Variants in WWOX observed in about 807,000 individuals in gnomAD.
WWOX encodes WW domain-containing oxidoreductase.
A neutral mutation model predicts 46.2 loss-of-function variants in WWOX; 69 were observed. The ratio of observed to expected loss-of-function variants is 1.49; its 90% CI spans 1.23 to 1.82. WWOX has a LOEUF of 1.82. WWOX is among the 40% of genes most tolerant of loss of function. The probability of loss-of-function intolerance (pLI) is 0.00; values close to 1 mark genes in which losing one functional copy is unlikely to be tolerated. For synonymous variants in WWOX, 359 were observed against 202.6 expected (o/e 1.77, Z -6.56); for missense variants, 919 against 542.6 (o/e 1.69, Z -6.89).
At chr16:78,614,982 T>C (rs1001331446) in intron 8 of WWOX, among the ~76,000 whole-genome samples, 48 of 152,206 alleles carry the variant, frequency 3.2e-4, no homozygotes, top group Admixed American at 1.3e-4. Flanking sequence ...CACGTTTTGC[T>C]CTGGGCTGTG....
At chr16:78,862,065 T>G (rs1008814364) in intron 8 of WWOX, among the ~76,000 whole-genome samples, 1 of 152,074 alleles carries the variant, frequency 6.6e-6, no homozygotes, top group African/African-American at 2.4e-5. Flanking sequence ...GAGAGAGATA[T>G]ATGCATATCT....
At chr16:79,194,485 G>A (rs1030477049) in intron 8 of WWOX, among the ~76,000 whole-genome samples, 1 of 152,174 alleles carries the variant, frequency 6.6e-6, no homozygotes, top group African/African-American at 2.4e-5. Context: ...CAGAGGAAGT[G>A]ACGGCTGAAC....
intron 8 of WWOX, chr16:79,203,739 C>T (rs571646701): frequency 6.6e-6 from 1 of 152,238 alleles, no homozygotes; most frequent in South Asian, 2.1e-4. Flanking sequence ...GTTTGTTTTA[C>T]CTGTAGTATG....
intron 8 of WWOX, among the ~76,000 whole-genome samples, chr16:78,577,131 C>T (rs957886662): frequency 2.0e-5 from 3 of 152,138 alleles, no homozygotes; most frequent in Non-Finnish European, 4.4e-5. Flanking sequence ...TCACCAGTGT[C>T]TCATAGGGTT....
chr16:78,892,494 C>T (rs908898703), intron 8 of WWOX, among the ~76,000 whole-genome samples: 1 of 152,080 alleles, frequency 6.6e-6, no homozygotes, highest in African/African-American at 2.4e-5. Context: ...GACAGGTCAC[C>T]CCCGCTGTCC....
intron 5 of WWOX, among the ~76,000 whole-genome samples, chr16:78,237,048 T>A (rs1177979882): frequency 1.6e-5 from 2 of 126,048 alleles, no homozygotes; most frequent in African/African-American, 6.2e-5. Context: ...CACTCCAGCC[T>A]GGGTGACAGA....
chr16:78,605,715 A>G (rs1443145730), intron 8 of WWOX, among the ~76,000 whole-genome samples: 2 of 152,314 alleles, frequency 1.3e-5, no homozygotes, highest in East Asian at 3.9e-4. Context: ...CTGAGTGTCT[A>G]CAGATGATGA....
chr16:78,378,249 C>T (rs1204745271), intron 5 of WWOX, among the ~76,000 whole-genome samples: 1 of 152,128 alleles, frequency 6.6e-6, no homozygotes, highest in African/African-American at 2.4e-5. Flanking sequence ...TAAAATGTGT[C>T]AAGTCAGTGA....
chr16:78,309,293 C>T (rs80204300), intron 5 of WWOX, among the ~76,000 whole-genome samples: 5 of 152,270 alleles, frequency 3.3e-5, no homozygotes, highest in South Asian at 2.1e-4. Flanking sequence ...TGCTTCCTGC[C>T]GCTTTGTGAA....
chr16:78,666,645 A>T (rs1294641216), intron 8 of WWOX, among the ~76,000 whole-genome samples: 5 of 152,180 alleles, frequency 3.3e-5, no homozygotes, highest in African/African-American at 1.2e-4. Flanking sequence ...AGATCTGCTG[A>T]TTGGCAAGGT....
At chr16:79,009,968 C>G (rs1482922526) in intron 8 of WWOX, among the ~76,000 whole-genome samples, 1 of 152,138 alleles carries the variant, frequency 6.6e-6, no homozygotes, top group African/African-American at 2.4e-5. Flanking sequence ...AAGTCATTGA[C>G]CTTCTCTGAA....
intron 8 of WWOX, among the ~76,000 whole-genome samples, chr16:78,791,080 G>T (rs1016305077): frequency 1.3e-5 from 2 of 149,306 alleles, no homozygotes; most frequent in African/African-American, 5.0e-5. Flanking sequence ...TTCATCAGAA[G>T]CCTCCACACA....
At position 78,370,506 on chromosome 16, in the gene WWOX, TG is replaced by T. The variant is rs1308633035; in HGVS notation, c.517-16353del. On this transcript the variant is annotated intron_variant, in intron 5 of 8. Coordinates refer to ENST00000566780, the MANE Select transcript of WWOX (RefSeq NM_016373.4). ...GGGGTATCTACGATGTTTTTTTTTT[TG>T]ATTTTTTTATGTCATTTTAAATGTT... is the stretch of plus-strand genomic sequence containing the variant. Among the ~76,000 whole-genome samples, 174 of 147,008 alleles carry T rather than the reference TG, an allele frequency of 1.2e-3. 2 individuals carry two copies. The highest frequency in any genetic ancestry group is 3.9e-3 in the African/African-American group (156 of 39,804).
Position 78,600,309 on chromosome 16 carries a change from G to A in WWOX, c.1056+167557G>A, listed in dbSNP as rs116108575. Among the ~76,000 whole-genome samples the A allele has an allele frequency of 5.4e-3, 827 of 152,136 alleles. 5 individuals are homozygous for A. Among genetic ancestry groups the A allele is most frequent in the African/African-American group, 0.019 (789 of 41,514 alleles). The stretch of plus-strand genomic sequence containing the variant: ...ATCACAGGGTCACCTGTAGGTTACC[G>A]TAAATAAGAGAAACAGACCAAGTAG... On this transcript the variant is annotated intron_variant, in intron 8 of 8. Transcript: ENST00000566780.
chr16:79,081,458 C>A lies in WWOX; in HGVS notation c.1057-130150C>A, dbSNP rs570601635. On this transcript the variant is annotated intron_variant, in intron 8 of 8. Transcript: ENST00000566780. ...GGATTACAGGCATGAGCCTAACTAT[C>A]CTCATTAAGCCATCTGCTTTCTGCA... Among the ~76,000 whole-genome samples the A allele has an allele frequency of 2.3e-3, 352 of 152,304 alleles. 4 individuals are homozygous for A. Among genetic ancestry groups the A allele is most frequent in the African/African-American group, 8.0e-3 (332 of 41,570 alleles).
chr16:78,567,413 C>T (rs1036330718), intron 8 of WWOX, among the ~76,000 whole-genome samples: 7 of 151,380 alleles, frequency 4.6e-5, no homozygotes, highest in African/African-American at 1.7e-4. Context: ...ATTAGCCCGG[C>T]GTGGTGGCGG....
chr16:78,261,274 G>GATACATACATACATAC (rs201936637), intron 5 of WWOX, among the ~76,000 whole-genome samples: 1 of 147,718 alleles, frequency 6.8e-6, no homozygotes, highest in Non-Finnish European at 1.5e-5. Context: ...TAGATAGATA[G>GATACATACATACATAC]ATAGATAGAT....
intron 8 of WWOX, among the ~76,000 whole-genome samples, chr16:78,922,498 C>T (rs1049261543): frequency 1.3e-5 from 2 of 151,904 alleles, no homozygotes; most frequent in African/African-American, 4.8e-5. Context: ...CGTGCCTCAG[C>T]CTCCTGAGTC....
chr16:79,212,076 G>GT lies in WWOX; in HGVS notation c.*281dup, dbSNP rs1555548254. The GT allele has an allele frequency of 5.9e-6, 9 of 1,536,300 alleles. No homozygotes were observed. The highest frequency in any genetic ancestry group is 7.0e-6 in the Non-Finnish European group (8 of 1,146,940). ...AAAACCTGCTTGGTGTGTAGGTTCC[G>GT]TATCTCCCTGGAGAAGCACCAGCAA... On this transcript the variant is annotated 3_prime_UTR_variant, in exon 9 of 9. Coordinates refer to ENST00000566780, the MANE Select transcript of WWOX (RefSeq NM_016373.4).
Sources: gnomAD v4.1 joint callset for allele counts (sites outside exome capture counted in the v4.1 genomes callset) on GRCh38, gnomAD v4.1.1 for gene constraint, MANE v1.5 for transcripts, NCBI Gene and HGNC (gene_info 2026-07-23, HGNC 2026-07-21) for gene names.